TENT4A: variants seen among roughly 807,000 people sequenced by gnomAD.
TENT4A encodes the protein terminal nucleotidyltransferase 4A.
In TENT4A, 7 loss-of-function variants were observed where a neutral mutation model predicts 72.8. The observed-to-expected ratio is 0.10, with a 90% CI of 0.05 to 0.18. The LOEUF (loss-of-function observed/expected upper bound fraction) is 0.18, where lower values mean the gene tolerates loss of function less well. Ranked by LOEUF, TENT4A falls within the 10% of genes least tolerant of loss-of-function variation. The probability of loss-of-function intolerance (pLI) is 1.00; values close to 1 mark genes in which losing one functional copy is unlikely to be tolerated. For missense variants in TENT4A, 831 were observed against 1,017.7 expected (o/e 0.82, Z 2.50); for synonymous variants, 456 against 434.3 (o/e 1.05, Z -0.62).
chr5:6,723,781 G>A (rs910107507), intron 1 of TENT4A, among the ~76,000 whole-genome samples: 2 of 152,194 alleles, frequency 1.3e-5, no homozygotes, highest in Admixed American at 6.5e-5. Flanking sequence ...GTGGGGTTGC[G>A]GAGTGTTGAG....
Position 6,754,967 on chromosome 5 carries a change from T to TC in TENT4A, c.*27dup, listed in dbSNP as rs1233797682. On this transcript the variant is annotated 3_prime_UTR_variant, in exon 13 of 13. Transcript: ENST00000230859. ...ATAATGGCTCCTGGCTGCGTCAGCCTCCCCCACCCCTCTGCAGACTGCCCC... is the reference window on the plus strand; with the variant it reads ...ATAATGGCTCCTGGCTGCGTCAGCCTCCCCCCACCCCTCTGCAGACTGCCCC... The TC allele has an allele frequency of 6.5e-7, 1 of 1,550,236 alleles. No homozygotes were observed. Among genetic ancestry groups the TC allele is most frequent in the Non-Finnish European group, 8.8e-7 (1 of 1,138,626 alleles).
intron 1 of TENT4A, among the ~76,000 whole-genome samples, chr5:6,726,624 T>C (rs60632433): frequency 1.7e-3 from 262 of 152,236 alleles, no homozygotes; most frequent in African/African-American, 6.0e-3. Flanking sequence ...AAATAGCTGA[T>C]TGGGAGCACT....
At chr5:6,736,734 C>T (rs866646692) in intron 1 of TENT4A, among the ~76,000 whole-genome samples, 12 of 152,198 alleles carry the variant, frequency 7.9e-5, no homozygotes, top group African/African-American at 2.7e-4. Flanking sequence ...GAGGTGGCGG[C>T]GTGAGGCGTC....
chr5:6,723,635 A>G (rs1740767881), intron 1 of TENT4A, among the ~76,000 whole-genome samples: 1 of 152,172 alleles, frequency 6.6e-6, no homozygotes, highest in Non-Finnish European at 1.5e-5. Flanking sequence ...CATGCGGGGG[A>G]TGGAACCTAG....
intron 12 of TENT4A, among the ~76,000 whole-genome samples, chr5:6,754,349 A>T (rs1385997982): frequency 6.6e-6 from 1 of 152,118 alleles, no homozygotes; most frequent in African/African-American, 2.4e-5. Flanking sequence ...TTGTATTTTT[A>T]GTAGAGACGG....
At chr5:6,750,291 G>A (rs755775910) in intron 9 of TENT4A, 40 bp from the exon 10 acceptor site, 4 of 1,557,260 alleles carry the variant, frequency 2.6e-6, no homozygotes, top group African/African-American at 2.8e-5. Context: ...CCACGCCGCA[G>A]TTCTCAGGAG....
At chr5:6,721,497 A>G (rs1740649482) in intron 1 of TENT4A, among the ~76,000 whole-genome samples, 1 of 152,216 alleles carries the variant, frequency 6.6e-6, no homozygotes, top group Non-Finnish European at 1.5e-5. Context: ...AAAAATTAAT[A>G]CCTAACTATG....
Position 6,713,866 on chromosome 5 carries a change from G to GCCA in TENT4A, c.-115_-113dup, listed in dbSNP as rs1409692650. On this transcript the variant is annotated 5_prime_UTR_variant, in exon 1 of 13. Coordinates refer to ENST00000230859, the MANE Select transcript of TENT4A (RefSeq NM_006999.6). Reference sequence around the variant, plus strand: ...GCCCGCCGCCGCCGCCGCCGCCGCCGCCACCGGCCCAGGCCCGTCCGTCCG... The same window carrying GCCA: ...GCCCGCCGCCGCCGCCGCCGCCGCCGCCACCACCGGCCCAGGCCCGTCCGTCCG... 4.1e-5 allele frequency: 8 copies of GCCA among 195,792 alleles called. No homozygotes were observed. The highest frequency in any genetic ancestry group is 1.9e-4 in the East Asian group (1 of 5,226). 12.1% of individuals were successfully genotyped at this position (195,792 alleles called of 1,614,324 possible).
At chr5:6,743,653 G>A in intron 5 of TENT4A, 59 bp from the exon 6 acceptor site, 1 of 1,357,972 alleles carries the variant, frequency 7.4e-7, no homozygotes, top group Non-Finnish European at 1.0e-6. Flanking sequence ...TTTGCTATGT[G>A]AAATCTCTTT....
rs147662541 is a variant in TENT4A at position 6,749,491 on chromosome 5, G to A, written c.1587-66G>A. 129 of 991,516 alleles carry A rather than the reference G, an allele frequency of 1.3e-4. No homozygotes were observed. In the African/African-American group the frequency reaches 1.6e-3, roughly 13 times the overall value. The allele number at this position is 991,516 out of a possible 1,614,324, so 61.4% of individuals were successfully genotyped here. A position where few individuals can be genotyped will look rare whatever the true frequency, so the allele number is the denominator to read the frequency against. The stretch of plus-strand genomic sequence containing the variant: ...TGTTAGGGGTATAAGGTAGCTGTTC[G>A]AGAGGGGTTCTCAGCTCCCTGACAC... On this transcript the variant is annotated intron_variant, in intron 8 of 12. Transcript: ENST00000230859.
intron 1 of TENT4A, among the ~76,000 whole-genome samples, chr5:6,717,266 GGGC>G (rs1740435677): frequency 1.3e-5 from 2 of 152,254 alleles, no homozygotes; most frequent in African/African-American, 4.8e-5. Flanking sequence ...AGGCTCACCT[GGGC>G]TGGCCAATAG....
At chr5:6,724,547 C>T (rs1579455352) in intron 1 of TENT4A, among the ~76,000 whole-genome samples, 1 of 138,332 alleles carries the variant, frequency 7.2e-6, no homozygotes, top group Admixed American at 7.1e-5. Flanking sequence ...ACGAGTGTGA[C>T]AGGTGGAAGG....
intron 1 of TENT4A, among the ~76,000 whole-genome samples, chr5:6,723,966 C>T (rs1214471697): frequency 1.3e-5 from 2 of 152,196 alleles, no homozygotes; most frequent in African/African-American, 2.4e-5. Flanking sequence ...GCTGTTTACT[C>T]GCTGTTTCAT....
intron 8 of TENT4A, among the ~76,000 whole-genome samples, chr5:6,748,885 ATGT>A (rs1274871239): frequency 6.6e-6 from 1 of 152,106 alleles, no homozygotes; most frequent in Non-Finnish European, 1.5e-5. Context: ...ATCTTCTCTT[ATGT>A]ACACTCGTCC....
chr5:6,728,196 G>T (rs1389302546), intron 1 of TENT4A, among the ~76,000 whole-genome samples: 2 of 152,206 alleles, frequency 1.3e-5, no homozygotes, highest in Non-Finnish European at 2.9e-5. Flanking sequence ...GTAGAATGGG[G>T]TGACGGCGGT....
rs1741706525 is a variant in TENT4A at position 6,739,825 on chromosome 5, T to G, written c.981T>G (p.Cys327Trp). ...GGAAGCACAACGTGGCTGAGCCGTG[T>G]TCCATCAAAGTCCTTGACAAGGCTA... ...ALRKHNVAEP[C>W]SIKVLDKATV... Residue 327 changes from cysteine (C) to tryptophan (W), a missense_variant, in exon 4 of 13, where the codon TGT (cysteine) becomes TGG (tryptophan). Physicochemically the swap from Cys to Trp is radical, Grantham distance 215. Coordinates refer to ENST00000230859, the MANE Select transcript of TENT4A (RefSeq NM_006999.6). 1 of 1,614,226 alleles carries G rather than the reference T, an allele frequency of 6.2e-7. No individual in the cohort carries two copies. The highest frequency in any genetic ancestry group is 8.5e-7 in the Non-Finnish European group (1 of 1,180,020).
rs1561029162 is a variant in TENT4A, at chr5:6,726,389, G to GGA, written c.717-11121_717-11120insGA. 3.3e-5 allele frequency among the ~76,000 whole-genome samples: 5 copies of GGA among 152,272 alleles called. 1 individual carries two copies. The highest frequency in any genetic ancestry group is 4.1e-4 in the South Asian group (2 of 4,826). ...CGGGACTGCTGCCTGAGATTTCTAA[G>GGA]TTCCTAATGTGGTTCATGCTTCTGG... On this transcript the variant is annotated intron_variant, in intron 1 of 12. Transcript: ENST00000230859.
rs1742173935 is a variant in TENT4A, at chr5:6,747,584, C to G, written c.1460-880C>G. On this transcript the variant is annotated intron_variant, in intron 7 of 12. Transcript: ENST00000230859. ...TTTGTGCAGGCTCTTGAGTGGTTTTCTTGGTAGCACGGTATGGCAGTGTAT... is the reference window on the plus strand; with the variant it reads ...TTTGTGCAGGCTCTTGAGTGGTTTTGTTGGTAGCACGGTATGGCAGTGTAT... 2.0e-5 allele frequency among the ~76,000 whole-genome samples: 3 copies of G among 152,030 alleles called. No homozygotes were observed. The South Asian group carries it at 6.2e-4, about 32-fold the overall frequency.
chr5:6,746,815 ATTATTG>A (rs1742127839), intron 7 of TENT4A, among the ~76,000 whole-genome samples: 1 of 152,126 alleles, frequency 6.6e-6, no homozygotes, highest in Non-Finnish European at 1.5e-5. Flanking sequence ...ATTAATGTTT[ATTATTG>A]TTATCTTGTT....
Sources: allele counts gnomAD v4.1 joint callset (sites outside exome capture counted in the v4.1 genomes callset), GRCh38; gene constraint gnomAD v4.1.1; transcripts MANE v1.5; gene names NCBI Gene and HGNC (gene_info 2026-07-23, HGNC 2026-07-21).